Variants in CRIM1 observed in about 807,000 individuals in gnomAD.
CRIM1 encodes the protein cysteine-rich motor neuron 1 protein.
Under a neutral mutation model 116.4 loss-of-function variants are expected in CRIM1, and 32 were observed. The observed-to-expected ratio is 0.27, with a 90% CI of 0.21 to 0.37. The LOEUF is 0.37. Among genes scored for constraint, CRIM1 ranks in the 10% least tolerant of loss-of-function variants. The probability of loss-of-function intolerance (pLI) is 1.00; values close to 1 mark genes in which losing one functional copy is unlikely to be tolerated. For synonymous variants in CRIM1, 590 were observed against 509.2 expected (o/e 1.16, Z -2.13); for missense variants, 1,331 against 1,354.8 (o/e 0.98, Z 0.28).
intron 5 of CRIM1, among the ~76,000 whole-genome samples, chr2:36,472,283 G>T (rs759519843): frequency 1.7e-4 from 26 of 152,152 alleles, no homozygotes; most frequent in Non-Finnish European, 3.2e-4. Flanking sequence ...CCTGATAGGT[G>T]AAGAAGTAAT....
At chr2:36,474,751 G>A (rs552458824) in intron 5 of CRIM1, among the ~76,000 whole-genome samples, 2 of 150,044 alleles carry the variant, frequency 1.3e-5, no homozygotes, top group South Asian at 4.2e-4. Context: ...GGGAGGCTGA[G>A]GCAGGAGAAT....
At chr2:36,373,670 G>T (rs1352988549) in intron 1 of CRIM1, among the ~76,000 whole-genome samples, 1 of 152,192 alleles carries the variant, frequency 6.6e-6, no homozygotes, top group Non-Finnish European at 1.5e-5. Flanking sequence ...CCCTGAACCT[G>T]TATGTGTGGA....
chr2:36,384,439 C>G (rs1026088835), intron 1 of CRIM1, among the ~76,000 whole-genome samples: 3 of 151,926 alleles, frequency 2.0e-5, no homozygotes, highest in Non-Finnish European at 2.9e-5. Flanking sequence ...AAGTGAGGAC[C>G]CAGTGAGTTG....
chr2:36,413,501 T>C (rs1400466083), intron 2 of CRIM1, among the ~76,000 whole-genome samples: 1 of 152,186 alleles, frequency 6.6e-6, no homozygotes, highest in Non-Finnish European at 1.5e-5. Context: ...AAAAGCAATA[T>C]GTTTCTTCTC....
chr2:36,460,011 G>A (rs556441755), intron 4 of CRIM1, among the ~76,000 whole-genome samples: 1 of 152,202 alleles, frequency 6.6e-6, no homozygotes, highest in South Asian at 2.1e-4. Flanking sequence ...TCCTAAGGGG[G>A]TGAGTGCCCT....
rs767284876 is a variant in CRIM1 at position 36,396,604 on chromosome 2, TG to T, written c.332-9del. ...AAACACACATTATCTGGTTGTTAAT[TG>T]TTTTACAGATGAGAACTGGACTGAT... is the stretch of plus-strand genomic sequence containing the variant. On this transcript the variant is annotated splice_polypyrimidine_tract_variant and intron_variant, in intron 1 of 16. Coordinates refer to ENST00000280527, the MANE Select transcript of CRIM1 (RefSeq NM_016441.3). The T allele has an allele frequency of 3.9e-6, 6 of 1,536,554 alleles. No individual in the cohort carries two copies. The highest frequency in any genetic ancestry group is 5.3e-6 in the Non-Finnish European group (6 of 1,129,270).
chr2:36,505,870 C>T (rs1681356397), intron 8 of CRIM1, among the ~76,000 whole-genome samples: 1 of 152,154 alleles, frequency 6.6e-6, no homozygotes, highest in African/African-American at 2.4e-5. Flanking sequence ...CTCCTTCTGC[C>T]ATGCAGTTCA....
intron 1 of CRIM1, among the ~76,000 whole-genome samples, chr2:36,394,048 A>G (rs1009645547): frequency 1.3e-5 from 2 of 152,170 alleles, no homozygotes; most frequent in Non-Finnish European, 2.9e-5. Flanking sequence ...GTTAGAAGAC[A>G]TTGTGGTAAT....
At chr2:36,546,627 G>T (rs1667351828) in intron 15 of CRIM1, among the ~76,000 whole-genome samples, 1 of 152,026 alleles carries the variant, frequency 6.6e-6, no homozygotes, top group African/African-American at 2.4e-5. Flanking sequence ...AATCTGAGAA[G>T]ACCATGTATG....
intron 2 of CRIM1, among the ~76,000 whole-genome samples, chr2:36,420,798 C>T (rs1673995836): frequency 6.6e-6 from 1 of 152,164 alleles, no homozygotes; most frequent in South Asian, 2.1e-4. Flanking sequence ...CATAGCAGAA[C>T]AGATGGGCAG....
At chr2:36,476,122 T>TA (rs1678956132) in intron 5 of CRIM1, among the ~76,000 whole-genome samples, 1 of 152,116 alleles carries the variant, frequency 6.6e-6, no homozygotes, top group African/African-American at 2.4e-5. Context: ...GAGAAAAATT[T>TA]AAAAATCATT....
chr2:36,374,111 C>T (rs1670137005), intron 1 of CRIM1, among the ~76,000 whole-genome samples: 1 of 152,134 alleles, frequency 6.6e-6, no homozygotes. Flanking sequence ...GAAAGGTAGA[C>T]TCAAAAAGGA....
chr2:36,404,104 G>A (rs571838598), intron 2 of CRIM1, among the ~76,000 whole-genome samples: 4 of 152,226 alleles, frequency 2.6e-5, no homozygotes, highest in South Asian at 4.2e-4. Context: ...AAAGGACCCC[G>A]TGCAGGGAAG....
chr2:36,425,414 A>G (rs1302091744), intron 2 of CRIM1, among the ~76,000 whole-genome samples: 1 of 152,218 alleles, frequency 6.6e-6, no homozygotes, highest in East Asian at 1.9e-4. Context: ...GGTCGGTGTT[A>G]GACTCATTAC....
At chr2:36,512,141 G>T in intron 9 of CRIM1, 132 bp from the exon 10 acceptor site, 1 of 1,081,966 alleles carries the variant, frequency 9.2e-7, no homozygotes, top group South Asian at 1.6e-5. Context: ...ATCACTCCAG[G>T]AATCTTTGAG....
At chr2:36,434,128 T>G (rs1228736534) in intron 2 of CRIM1, among the ~76,000 whole-genome samples, 1 of 152,022 alleles carries the variant, frequency 6.6e-6, no homozygotes, top group Non-Finnish European at 1.5e-5. Context: ...TTTAAAGGAG[T>G]CAGTCTCTAA....
At chr2:36,386,506 TACCA>T (rs1179843512) in intron 1 of CRIM1, among the ~76,000 whole-genome samples, 1 of 152,250 alleles carries the variant, frequency 6.6e-6, no homozygotes, top group Non-Finnish European at 1.5e-5. Flanking sequence ...TTTCTTCCTC[TACCA>T]ACAAACTTAC....
Position 36,548,780 on chromosome 2 carries a change from C to G in CRIM1, c.*79C>G. 8.2e-7 allele frequency: 1 copy of G among 1,218,520 alleles called. No individual in the cohort carries two copies. The highest frequency in any genetic ancestry group is 1.2e-6 in the Non-Finnish European group (1 of 867,390). 75.5% of individuals were successfully genotyped at this position (1,218,520 alleles called of 1,614,324 possible). A position where few individuals can be genotyped will look rare whatever the true frequency, so the allele number is the denominator to read the frequency against. On this transcript the variant is annotated 3_prime_UTR_variant, in exon 17 of 17. Coordinates refer to ENST00000280527, the MANE Select transcript of CRIM1 (RefSeq NM_016441.3). ...TAAAAAGTAAACTAGAATTTGTGCA[C>G]TTGCTTAGTGGATTGTATTGGATTG...
chr2:36,526,723 T>C (rs1386850407), intron 13 of CRIM1, among the ~76,000 whole-genome samples: 4 of 152,144 alleles, frequency 2.6e-5, no homozygotes, highest in Admixed American at 1.3e-4. Flanking sequence ...CCGTGAGTCT[T>C]TCAGTGGATC....
Sources: allele counts gnomAD v4.1 joint callset (sites outside exome capture counted in the v4.1 genomes callset), GRCh38; gene constraint gnomAD v4.1.1; transcripts MANE v1.5; gene names NCBI Gene and HGNC (gene_info 2026-07-23, HGNC 2026-07-21).